Variants in CCDC102B observed in about 807,000 individuals in gnomAD.
The protein encoded by CCDC102B is coiled-coil domain containing 102B.
A neutral mutation model predicts 57.4 loss-of-function variants in CCDC102B; 75 were observed. The ratio of observed to expected loss-of-function variants is 1.31; its 90% CI spans 1.08 to 1.58. The LOEUF (loss-of-function observed/expected upper bound fraction) is 1.58. Among genes scored for constraint, CCDC102B ranks in the 40% most tolerant of loss-of-function variants. CCDC102B has a pLI of 0.00. For missense variants in CCDC102B, 636 were observed against 582.6 expected, an observed-to-expected ratio of 1.09 and a Z score of -0.94; for synonymous variants, 206 against 201.9, an observed-to-expected ratio of 1.02 and a Z score of -0.17.
chr18:68,768,397 A>C (rs2034534802), intron 2 of CCDC102B, among the ~76,000 whole-genome samples: 1 of 152,200 alleles, frequency 6.6e-6, no homozygotes, highest in Admixed American at 6.5e-5. Context: ...AATATCACTT[A>C]GAATAAACTT....
intron 2 of CCDC102B, among the ~76,000 whole-genome samples, chr18:68,728,936 A>AT (rs147689567): frequency 0.049 from 7,483 of 151,510 alleles, 560 homozygotes; most frequent in African/African-American, 0.16. Flanking sequence ...CCATATATTG[A>AT]TTTTTTTTTA....
intron 2 of CCDC102B, among the ~76,000 whole-genome samples, chr18:68,786,308 G>A (rs1202220448): frequency 5.5e-4 from 82 of 149,596 alleles, no homozygotes; most frequent in African/African-American, 1.9e-3. Flanking sequence ...TTGGCAATGC[G>A]GGCTCTTTTT....
rs139792671 is a variant in CCDC102B at position 68,990,221 on chromosome 18, T to C, written c.1264-20713T>C. On this transcript the variant is annotated intron_variant, in intron 6 of 7. Transcript: ENST00000360242. ...TATTCAGGAAGTTCTCTGCAGCCCG[T>C]TAGATTTGGCTACATGTAGGGGCCA... Among the ~76,000 whole-genome samples the C allele has an allele frequency of 1.7e-3, 254 of 152,318 alleles. 4 individuals carry two copies. In the East Asian group the frequency reaches 0.042, roughly 25 times the overall value.
chr18:68,839,490 C>T (rs1218443229), intron 3 of CCDC102B, among the ~76,000 whole-genome samples: 1 of 152,166 alleles, frequency 6.6e-6, no homozygotes, highest in Middle Eastern at 3.2e-3. Flanking sequence ...TATCTATTAT[C>T]TTGAAACAAA....
intron 4 of CCDC102B, chr18:68,859,140 A>C (rs11873735): frequency 3.4e-5 from 5 of 148,774 alleles, no homozygotes; most frequent in Non-Finnish European, 7.4e-5. Flanking sequence ...CCTCAGAAAT[A>C]ATGCCGCATA....
intron 6 of CCDC102B, among the ~76,000 whole-genome samples, chr18:68,998,779 T>A (rs887236252): frequency 6.6e-6 from 1 of 151,930 alleles, no homozygotes; most frequent in African/African-American, 2.4e-5. Flanking sequence ...TGCCTGCTTT[T>A]ATCCTGGCTT....
chr18:68,847,946 A>G (rs2037948683), intron 4 of CCDC102B, among the ~76,000 whole-genome samples: 1 of 151,768 alleles, frequency 6.6e-6, no homozygotes, highest in Admixed American at 6.6e-5. Flanking sequence ...TTCATTCCTA[A>G]CATACATTTC....
At chr18:68,725,694 A>C (rs1461734533) in intron 2 of CCDC102B, among the ~76,000 whole-genome samples, 1 of 152,114 alleles carries the variant, frequency 6.6e-6, no homozygotes, top group Non-Finnish European at 1.5e-5. Context: ...CTGTGTGGTT[A>C]TTTTGGGTCT....
At chr18:68,854,931 G>A (rs66483109) in intron 4 of CCDC102B, among the ~76,000 whole-genome samples, 44,340 of 151,998 alleles carry the variant, frequency 0.29, 6,906 homozygotes, top group Non-Finnish European at 0.34. Context: ...CACACGAAAA[G>A]ACACAAAGTC....
chr18:69,015,504 C>G (rs371107847), intron 7 of CCDC102B, among the ~76,000 whole-genome samples: 5 of 152,124 alleles, frequency 3.3e-5, no homozygotes, highest in Non-Finnish European at 7.4e-5. Context: ...AGTTTTATTG[C>G]TGAACTTTTC....
At position 69,046,864 on chromosome 18, in the gene CCDC102B, G is replaced by A. The variant is rs898709398; in HGVS notation, c.1435-7166G>A. On this transcript the variant is annotated intron_variant, in intron 7 of 7. Coordinates refer to ENST00000360242, the MANE Select transcript of CCDC102B (RefSeq NM_024781.3). ...TTATTCAATAGAGAGTCCTTTTCCC[G>A]TTGCTCATTTTTGTCAGCTTTGTTG... Among the ~76,000 whole-genome samples, 25 of 151,854 alleles carry A rather than the reference G, an allele frequency of 1.6e-4. No individual in the cohort carries two copies. In the East Asian group the frequency reaches 1.7e-3, roughly 11 times the overall value.
chr18:68,738,993 C>CTTTT (rs201214278), intron 2 of CCDC102B, among the ~76,000 whole-genome samples: 2 of 144,976 alleles, frequency 1.4e-5, no homozygotes, highest in Admixed American at 6.9e-5. Context: ...GATGAGCAGC[C>CTTTT]TTTTGTTTTT....
At chr18:68,746,608 A>G (rs150422579) in intron 2 of CCDC102B, among the ~76,000 whole-genome samples, 63 of 152,246 alleles carry the variant, frequency 4.1e-4, no homozygotes, top group African/African-American at 1.5e-3. Flanking sequence ...CTACCTCTAC[A>G]GGCAAAAAAT....
chr18:68,948,285 C>T (rs576458641), intron 6 of CCDC102B, among the ~76,000 whole-genome samples: 1 of 151,928 alleles, frequency 6.6e-6, no homozygotes, highest in South Asian at 2.1e-4. Context: ...TTTTATTTTT[C>T]TTTTAGATAT....
At chr18:68,785,509 T>A (rs892479996) in intron 2 of CCDC102B, among the ~76,000 whole-genome samples, 3 of 151,814 alleles carry the variant, frequency 2.0e-5, no homozygotes, top group African/African-American at 7.2e-5. Context: ...GACTTTTTAA[T>A]GATTGCCATT....
chr18:68,752,585 CCTT>C (rs1195366389), intron 2 of CCDC102B, among the ~76,000 whole-genome samples: 1 of 151,388 alleles, frequency 6.6e-6, no homozygotes, highest in Non-Finnish European at 1.5e-5. Flanking sequence ...TAGGTAAACT[CCTT>C]CTAAATTTTT....
At position 68,897,274 on chromosome 18, in the gene CCDC102B, A is replaced by C. The variant is rs34102373; in HGVS notation, c.1109A>C (p.Glu370Ala). ...TSEWDKREIL[E>A]REKQGLEREN... ...GAGTGGGACAAGAGGGAAATACTTGAAAGAGAAAAGCAGGGACTGGAGAGA... is the reference window on the plus strand; with the variant it reads ...GAGTGGGACAAGAGGGAAATACTTGCAAGAGAAAAGCAGGGACTGGAGAGA... The change falls in exon 6 of 8, where the codon GAA becomes GCA. Residue 370 changes from glutamate to alanine, a missense_variant. Coordinates refer to ENST00000360242, the MANE Select transcript of CCDC102B (RefSeq NM_024781.3). 6.2e-7 allele frequency: 1 copy of C among 1,613,194 alleles called. No homozygotes were observed. Among genetic ancestry groups the C allele is most frequent in the East Asian group, 2.2e-5 (1 of 44,870 alleles).
At chr18:68,996,466 T>A (rs1389894634) in intron 6 of CCDC102B, among the ~76,000 whole-genome samples, 2 of 152,200 alleles carry the variant, frequency 1.3e-5, no homozygotes, top group Admixed American at 6.5e-5. Context: ...GACTTTACCT[T>A]GTGATCATGT....
chr18:68,958,806 T>C (rs573816513), intron 6 of CCDC102B, among the ~76,000 whole-genome samples: 9 of 152,332 alleles, frequency 5.9e-5, no homozygotes, highest in Non-Finnish European at 1.2e-4. Flanking sequence ...TTCTTCAGTA[T>C]GTCAATTGCA....
Sources: gnomAD v4.1 joint callset for allele counts (sites outside exome capture counted in the v4.1 genomes callset) on GRCh38, gnomAD v4.1.1 for gene constraint, MANE v1.5 for transcripts, NCBI Gene and HGNC (gene_info 2026-07-23, HGNC 2026-07-21) for gene names.